Variants in OPCML observed in about 807,000 individuals in gnomAD.
OPCML encodes the protein opioid-binding protein/cell adhesion molecule.
A neutral mutation model predicts 37.8 loss-of-function variants in OPCML; 13 were observed. That is an observed-to-expected ratio of 0.34 (90% CI 0.22 to 0.55). OPCML has a LOEUF of 0.55. Ranked by LOEUF, OPCML falls within the 20% of genes least tolerant of loss-of-function variation. The pLI, the probability that OPCML is intolerant of heterozygous loss-of-function variation, is 0.91. For synonymous variants in OPCML, 176 were observed against 168.8 expected (o/e 1.04, Z -0.33); for missense variants, 341 against 435.6 (o/e 0.78, Z 1.93).
intron 1 of OPCML, among the ~76,000 whole-genome samples, chr11:133,528,298 C>T (rs775815558): frequency 2.0e-5 from 3 of 152,176 alleles, no homozygotes; most frequent in African/African-American, 4.8e-5. Context: ...ATTAACATGT[C>T]GATCATTTTT....
In OPCML at chr11:133,052,103, C is replaced by A. The variant is rs111371578; in HGVS notation, c.62-109093G>T. Among the ~76,000 whole-genome samples, 1,089 of 152,202 alleles carry A rather than the reference C, an allele frequency of 7.2e-3. 22 individuals carry two copies. The highest frequency in any genetic ancestry group is 0.025 in the African/African-American group (1,057 of 41,526). On this transcript the variant is annotated intron_variant, in intron 1 of 7. Transcript: ENST00000524381. ...GATTTTATACTAAGGCAGTTTTTTT[C>A]CCCCTTTGATTAAAATACACCAAAA...
At chr11:132,454,892 G>T (rs576678510) in intron 4 of OPCML, among the ~76,000 whole-genome samples, 2 of 152,188 alleles carry the variant, frequency 1.3e-5, no homozygotes, top group Admixed American at 6.5e-5. Context: ...TTTTCAGTAG[G>T]GTTTAATAAT....
intron 4 of OPCML, 193 bp from the exon 5 acceptor site, chr11:132,437,552 G>A (rs1191598450): frequency 2.4e-6 from 2 of 835,818 alleles, no homozygotes; most frequent in Non-Finnish European, 2.9e-6. Context: ...CTGTGCTTGA[G>A]TCTTGCATCA....
At chr11:133,358,630 G>T (rs188496721) in intron 1 of OPCML, among the ~76,000 whole-genome samples, 86 of 152,296 alleles carry the variant, frequency 5.6e-4, no homozygotes, top group African/African-American at 2.0e-3. Flanking sequence ...TAAACTCTTT[G>T]TTCTCATGTG....
intron 1 of OPCML, among the ~76,000 whole-genome samples, chr11:133,115,971 AAT>A (rs5795818): frequency 6.6e-6 from 1 of 151,078 alleles, no homozygotes; most frequent in Admixed American, 6.6e-5. Context: ...CATTATTATT[AAT>A]ATATATATAT....
intron 3 of OPCML, among the ~76,000 whole-genome samples, chr11:132,595,094 C>T (rs2096490425): frequency 6.6e-6 from 1 of 152,008 alleles, no homozygotes; most frequent in African/African-American, 2.4e-5. Context: ...TTTTGTCTCT[C>T]TGTGAACTGA....
chr11:132,762,867 A>G (rs1175435322), intron 2 of OPCML, among the ~76,000 whole-genome samples: 1 of 152,104 alleles, frequency 6.6e-6, no homozygotes, highest in Admixed American at 6.6e-5. Context: ...GGTACAAAAA[A>G]ATACACCTGC....
intron 1 of OPCML, among the ~76,000 whole-genome samples, chr11:133,524,352 C>T (rs373211725): frequency 1.6e-4 from 24 of 152,236 alleles, no homozygotes; most frequent in South Asian, 1.2e-3. Context: ...GAACATCAAC[C>T]CGTTTAAGCA....
At position 132,982,192 on chromosome 11, in the gene OPCML, C is replaced by A. The variant is rs376380075; in HGVS notation, c.62-39182G>T. Among the ~76,000 whole-genome samples the A allele has an allele frequency of 9.2e-5, 14 of 152,296 alleles. No homozygotes were observed. The East Asian group carries it at 1.9e-3, about 21-fold the overall frequency. On this transcript the variant is annotated intron_variant, in intron 1 of 7. Coordinates refer to ENST00000524381, the MANE Select transcript of OPCML (RefSeq NM_001012393.5). ...TCTGCCTTTGCTGCTAATATTCCCACAAGCCCCTGCTTCTTTCTCCTCTCC... is the reference window on the plus strand; with the variant it reads ...TCTGCCTTTGCTGCTAATATTCCCAAAAGCCCCTGCTTCTTTCTCCTCTCC...
chr11:133,225,834 A>G (rs923964297), intron 1 of OPCML, among the ~76,000 whole-genome samples: 2 of 152,242 alleles, frequency 1.3e-5, no homozygotes, highest in Non-Finnish European at 2.9e-5. Flanking sequence ...AGGATGGATT[A>G]ATGAAAAGCA....
At chr11:132,461,230 C>T (rs1050867774) in intron 4 of OPCML, among the ~76,000 whole-genome samples, 1 of 152,056 alleles carries the variant, frequency 6.6e-6, no homozygotes, top group Admixed American at 6.6e-5. Context: ...ACTGAGGGCT[C>T]CTAGATAGCT....
chr11:132,716,539 A>C lies in OPCML; in HGVS notation c.147-59220T>G, dbSNP rs577910267. Among the ~76,000 whole-genome samples the C allele has an allele frequency of 1.6e-3, 245 of 152,326 alleles. 3 individuals carry two copies. In the South Asian group the frequency reaches 0.022, roughly 14 times the overall value. On this transcript the variant is annotated intron_variant, in intron 2 of 7. Transcript: ENST00000524381. ...CCTGGAAAAATGAACCCTGTGAAGG[A>C]TTATATGTGAATAAAAACTTTATCA...
At chr11:132,888,110 G>C (rs1943494099) in intron 2 of OPCML, among the ~76,000 whole-genome samples, 1 of 152,144 alleles carries the variant, frequency 6.6e-6, no homozygotes, top group Admixed American at 6.5e-5. Flanking sequence ...AAAGAGAAGA[G>C]GGGAGGCACA....
At chr11:132,837,933 C>T (rs1941112401) in intron 2 of OPCML, among the ~76,000 whole-genome samples, 1 of 152,228 alleles carries the variant, frequency 6.6e-6, no homozygotes, top group Non-Finnish European at 1.5e-5. Context: ...GAGGGCCTCA[C>T]GTTCAATGCC....
chr11:132,850,922 G>A (rs1354525852), intron 2 of OPCML, among the ~76,000 whole-genome samples: 1 of 152,120 alleles, frequency 6.6e-6, no homozygotes, highest in African/African-American at 2.4e-5. Flanking sequence ...GCCAAATATA[G>A]GCAAAGAAGA....
chr11:132,696,998 T>C (rs1353935619), intron 2 of OPCML, among the ~76,000 whole-genome samples: 1 of 152,138 alleles, frequency 6.6e-6, no homozygotes, highest in African/African-American at 2.4e-5. Context: ...AAAATAAATA[T>C]ATTTCCATGC....
intron 2 of OPCML, among the ~76,000 whole-genome samples, chr11:132,882,465 C>T (rs1274566489): frequency 1.3e-5 from 2 of 152,166 alleles, no homozygotes; most frequent in Non-Finnish European, 2.9e-5. Context: ...ATTTGTGTCC[C>T]ATCCTCTCTT....
chr11:133,198,501 C>A lies in OPCML; in HGVS notation c.62-255491G>T, dbSNP rs572028022. On this transcript the variant is annotated intron_variant, in intron 1 of 7. Transcript: ENST00000524381. ...AGACTGTACAAACCAAGACATTGGG[C>A]ATGAAAGAGCCGGAAATGAGAAGAA... Among the ~76,000 whole-genome samples, 7 of 152,168 alleles carry A rather than the reference C, an allele frequency of 4.6e-5. No individual in the cohort carries two copies. In the South Asian group the frequency reaches 1.2e-3, roughly 27 times the overall value.
chr11:132,957,683 T>G (rs1946001222), intron 1 of OPCML, among the ~76,000 whole-genome samples: 2 of 152,170 alleles, frequency 1.3e-5, no homozygotes, highest in South Asian at 4.1e-4. Context: ...ACTCACTCTG[T>G]CTCTGTGCCA....
Sources: allele counts gnomAD v4.1 joint callset (sites outside exome capture counted in the v4.1 genomes callset), GRCh38; gene constraint gnomAD v4.1.1; transcripts MANE v1.5; gene names NCBI Gene and HGNC (gene_info 2026-07-23, HGNC 2026-07-21).